The following DCHS2 variants were observed in gnomAD, a reference collection of about 807,000 sequenced individuals.
DCHS2 encodes protocadherin-23.
Under a neutral mutation model 182.4 loss-of-function variants are expected in DCHS2, and 142 were observed. The ratio of observed to expected loss-of-function variants is 0.78; its 90% CI spans 0.68 to 0.89. The LOEUF (loss-of-function observed/expected upper bound fraction) is 0.89. DCHS2 is among the 40% of genes least tolerant of loss of function. DCHS2 has a pLI of 0.00. For missense variants in DCHS2, 4,319 were observed against 4,198.6 expected (o/e 1.03, Z -0.79); for synonymous variants, 1,740 against 1,663.3 (o/e 1.05, Z -1.12).
intron 1 of DCHS2, among the ~76,000 whole-genome samples, chr4:154,379,446 G>T (rs1731070733): frequency 6.6e-6 from 1 of 152,152 alleles, no homozygotes; most frequent in African/African-American, 2.4e-5. Flanking sequence ...ATTTAGTCTA[G>T]AATATGTGAA....
chr4:154,319,576 C>T (rs192677560), intron 9 of DCHS2, among the ~76,000 whole-genome samples: 39 of 148,206 alleles, frequency 2.6e-4, no homozygotes, highest in African/African-American at 9.2e-4. Context: ...TGAAAAAATG[C>T]TCCATGGCAC....
chr4:154,339,451 C>CTT lies in DCHS2; in HGVS notation c.2477-4349_2477-4348dup, dbSNP rs761820833. Among the ~76,000 whole-genome samples, 560 of 141,320 alleles carry CTT rather than the reference C, an allele frequency of 4.0e-3. 8 individuals carry two copies. The highest frequency in any genetic ancestry group is 0.013 in the African/African-American group (517 of 38,634). The allele number at this position is 141,320 out of a possible 152,430, so 92.7% of individuals were successfully genotyped here. A position where few individuals can be genotyped will look rare whatever the true frequency, so the allele number is the denominator to read the frequency against. On this transcript the variant is annotated intron_variant, in intron 3 of 19. Transcript: ENST00000357232. ...TAAAAGTAATAATCACATGAACAAACTTTTTTTTTTTTTTTTGAGATGGAG... is the reference window on the plus strand; with the variant it reads ...TAAAAGTAATAATCACATGAACAAACTTTTTTTTTTTTTTTTTTGAGATGGAG...
chr4:154,272,082 T>C (rs1406816545), intron 13 of DCHS2: 1 of 152,192 alleles, frequency 6.6e-6, no homozygotes, highest in Non-Finnish European at 1.5e-5. Context: ...AAGCATGTTA[T>C]TTTATGTATA....
chr4:154,253,002 A>G (rs1160623448), intron 16 of DCHS2, among the ~76,000 whole-genome samples: 2 of 151,468 alleles, frequency 1.3e-5, no homozygotes, highest in Admixed American at 6.6e-5. Flanking sequence ...CTAAAGGTGT[A>G]GCAGACTAGG....
At chr4:154,489,242 C>T in intron 1 of DCHS2, 62 bp downstream of exon 1, 1 of 1,355,252 alleles carries the variant, frequency 7.4e-7, no homozygotes, top group Non-Finnish European at 9.9e-7. Context: ...CCTAGGCCAA[C>T]TCACAACCCT....
intron 3 of DCHS2, chr4:154,357,352 T>G: frequency 6.7e-7 from 1 of 1,486,926 alleles, no homozygotes; most frequent in Non-Finnish European, 9.4e-7. Flanking sequence ...GCCAGGCTGG[T>G]GGGAGCAGGG....
intron 15 of DCHS2, among the ~76,000 whole-genome samples, chr4:154,257,857 A>G (rs1732770197): frequency 6.6e-6 from 1 of 152,244 alleles, no homozygotes; most frequent in Non-Finnish European, 1.5e-5. Flanking sequence ...CAAGTCTGCC[A>G]TAATTTGAAG....
At chr4:154,298,756 G>T in intron 12 of DCHS2, 48 bp from the exon 13 acceptor site, 1 of 1,506,146 alleles carries the variant, frequency 6.6e-7, no homozygotes, top group Non-Finnish European at 8.9e-7. Context: ...AAAAGTAGCA[G>T]CTCTTTGCTA....
chr4:154,422,851 G>A (rs1733168557), intron 1 of DCHS2, among the ~76,000 whole-genome samples: 1 of 152,066 alleles, frequency 6.6e-6, no homozygotes, highest in Admixed American at 6.6e-5. Context: ...CGCTTGTCCA[G>A]GCAATTCCCA....
At chr4:154,327,641 T>C (rs778598791) in intron 7 of DCHS2, among the ~76,000 whole-genome samples, 76 of 152,234 alleles carry the variant, frequency 5.0e-4, no homozygotes, top group Admixed American at 9.8e-4. Flanking sequence ...CAATAAAATT[T>C]CCCCATACAC....
chr4:154,405,145 G>C (rs936155881), intron 1 of DCHS2, among the ~76,000 whole-genome samples: 1 of 152,130 alleles, frequency 6.6e-6, no homozygotes, highest in Admixed American at 6.5e-5. Context: ...ATCTGCTCGG[G>C]AGGCAGAGGC....
chr4:154,486,304 G>T lies in DCHS2; in HGVS notation c.2052+3000C>A. Reference sequence around the variant, plus strand: ...GCCAACACTCGGAGAGGGGAGGGTGGCCAGCACCATAGTGCCAGCAACAGC... The same window carrying T: ...GCCAACACTCGGAGAGGGGAGGGTGTCCAGCACCATAGTGCCAGCAACAGC... On this transcript the variant is annotated intron_variant, in intron 1 of 19. Transcript: ENST00000357232. 3.1e-6 allele frequency: 3 copies of T among 974,102 alleles called. 1 individual carries two copies. Among genetic ancestry groups the T allele is most frequent in the African/African-American group, 3.4e-5 (2 of 58,764 alleles). The allele number at this position is 974,102 out of a possible 1,614,324, so 60.3% of individuals were successfully genotyped here. A position where few individuals can be genotyped will look rare whatever the true frequency, so the allele number is the denominator to read the frequency against.
rs141159201 is a variant in DCHS2, at chr4:154,252,464, T to C, written c.6941+3055A>G. On this transcript the variant is annotated intron_variant, in intron 16 of 19. Transcript: ENST00000357232. ...ACTATATTTTGTAATCTTTAACCATTCCCACTTGCCCTCAATCCTCCCTGA... is the reference window on the plus strand; with the variant it reads ...ACTATATTTTGTAATCTTTAACCATCCCCACTTGCCCTCAATCCTCCCTGA... Among the ~76,000 whole-genome samples, 471 of 152,178 alleles carry C rather than the reference T, an allele frequency of 3.1e-3. 5 individuals are homozygous for C. The highest frequency in any genetic ancestry group is 0.011 in the African/African-American group (436 of 41,514).
chr4:154,446,960 GCACA>G (rs3063678), intron 1 of DCHS2, among the ~76,000 whole-genome samples: 9 of 150,338 alleles, frequency 6.0e-5, no homozygotes, highest in African/African-American at 1.7e-4. Flanking sequence ...TCATACACAC[GCACA>G]CACACACACA....
chr4:154,328,276 T>G (rs1287503089), intron 6 of DCHS2, 84 bp from the exon 7 acceptor site: 11 of 929,368 alleles, frequency 1.2e-5, no homozygotes, highest in Non-Finnish European at 1.7e-5. Flanking sequence ...AATGAATACA[T>G]TATACTAAAC....
intron 12 of DCHS2, among the ~76,000 whole-genome samples, chr4:154,301,759 T>A (rs1280576804): frequency 1.3e-5 from 2 of 152,156 alleles, no homozygotes; most frequent in African/African-American, 4.8e-5. Flanking sequence ...CACCTTGGCA[T>A]CCCAAAGTGG....
intron 16 of DCHS2, among the ~76,000 whole-genome samples, chr4:154,251,910 T>C (rs1377597264): frequency 6.6e-6 from 1 of 151,978 alleles, no homozygotes; most frequent in African/African-American, 2.4e-5. Context: ...TTTTTGTATA[T>C]TCATAAACAT....
intron 3 of DCHS2, among the ~76,000 whole-genome samples, chr4:154,337,555 G>C (rs1230866508): frequency 6.6e-6 from 1 of 151,818 alleles, no homozygotes; most frequent in Non-Finnish European, 1.5e-5. Context: ...CTCCCTCTCT[G>C]TAACCCCATC....
At chr4:154,454,882 G>A (rs1734701406) in intron 1 of DCHS2, among the ~76,000 whole-genome samples, 1 of 152,196 alleles carries the variant, frequency 6.6e-6, no homozygotes, top group Non-Finnish European at 1.5e-5. Flanking sequence ...TAAAGGCAAA[G>A]CTCACTGATT....
Sources: gnomAD v4.1 joint callset for allele counts (sites outside exome capture counted in the v4.1 genomes callset) on GRCh38, gnomAD v4.1.1 for gene constraint, MANE v1.5 for transcripts, NCBI Gene and HGNC (gene_info 2026-07-23, HGNC 2026-07-21) for gene names.